REPS1: variants seen among roughly 807,000 people sequenced by gnomAD.
The protein encoded by REPS1 is ralBP1-associated Eps domain-containing protein 1.
Under a neutral mutation model 100.9 loss-of-function variants are expected in REPS1, and 39 were observed. The ratio of observed to expected loss-of-function variants is 0.39; its 90% CI spans 0.30 to 0.50. The LOEUF is 0.50. REPS1 is among the 20% of genes least tolerant of loss of function. REPS1 has a pLI of 0.86. For synonymous variants in REPS1, 324 were observed against 340.3 expected (o/e 0.95, Z 0.53); for missense variants, 821 against 968.5 (o/e 0.85, Z 2.02).
chr6:138,959,184 T>C (rs1442864562), intron 1 of REPS1, among the ~76,000 whole-genome samples: 4 of 152,172 alleles, frequency 2.6e-5, no homozygotes, highest in Admixed American at 2.0e-4. Context: ...TAGCACATAG[T>C]GACAGCAAAG....
At chr6:138,951,585 A>T (rs1450215307) in intron 1 of REPS1, among the ~76,000 whole-genome samples, 2 of 152,122 alleles carry the variant, frequency 1.3e-5, no homozygotes, top group African/African-American at 4.8e-5. Context: ...AGTTGGTGTT[A>T]TATTGGCTTT....
chr6:138,953,135 TTA>T (rs1783151692), intron 1 of REPS1, among the ~76,000 whole-genome samples: 1 of 152,040 alleles, frequency 6.6e-6, no homozygotes, highest in African/African-American at 2.4e-5. Flanking sequence ...TTGCGCCAAA[TTA>T]TATATTTTAT....
At chr6:138,965,880 CAAT>C (rs1783989373) in intron 1 of REPS1, among the ~76,000 whole-genome samples, 1 of 152,134 alleles carries the variant, frequency 6.6e-6, no homozygotes, top group South Asian at 2.1e-4. Flanking sequence ...TCCAGAACCA[CAAT>C]GACTCCTAAT....
At position 138,908,744 on chromosome 6, in the gene REPS1, T is replaced by G; in HGVS notation, c.2140A>C (p.Arg714=). The part of the protein sequence containing the change: ...RRRLKSEDEL[R]PEVDEHTQKT... ...TGTGTATGTTCATCAACTTCTGGCC[T>G]TAATTCATCTTCTGATTTTAATCTT... is the stretch of plus-strand genomic sequence containing the variant. The change falls in exon 18 of 20, where the codon AGG becomes CGG. Residue 714 remains arginine, a synonymous_variant. Transcript: ENST00000450536. 1 of 1,614,208 alleles carries G rather than the reference T, an allele frequency of 6.2e-7. No individual in the cohort carries two copies. Among genetic ancestry groups the G allele is most frequent in the South Asian group, 1.1e-5 (1 of 91,086 alleles).
At position 138,908,763 on chromosome 6, in the gene REPS1, T is replaced by C. The variant is rs775208393; in HGVS notation, c.2121A>G (p.Leu707=). The change falls in exon 18 of 20, where the codon TTA becomes TTG. Residue 707 remains leucine, a synonymous_variant. Coordinates refer to ENST00000450536, the MANE Select transcript of REPS1 (RefSeq NM_001286611.2). ...APPPKPVRRR[L]KSEDELRPEV... ...CTGGCCTTAATTCATCTTCTGATTT[T>C]AATCTTCTTCGAACAGGTTTAGGTG... 1 of 1,614,234 alleles carries C rather than the reference T, an allele frequency of 6.2e-7. No individual in the cohort carries two copies. Among genetic ancestry groups the C allele is most frequent in the South Asian group, 1.1e-5 (1 of 91,086 alleles).
chr6:138,943,360 T>C (rs1428477627), intron 7 of REPS1, among the ~76,000 whole-genome samples, 153 bp downstream of exon 7: 1 of 152,232 alleles, frequency 6.6e-6, no homozygotes, highest in African/African-American at 2.4e-5. Context: ...TTCTGCAGAA[T>C]AAGAGAGAAG....
chr6:138,973,836 C>T (rs142377043), intron 1 of REPS1, among the ~76,000 whole-genome samples: 76 of 152,124 alleles, frequency 5.0e-4, no homozygotes, highest in African/African-American at 1.7e-3. Flanking sequence ...TTATTACTAT[C>T]ATTTGAATTG....
intron 13 of REPS1, 32 bp from the exon 14 acceptor site, chr6:138,916,008 AC>A (rs762428502): frequency 7.5e-6 from 11 of 1,457,892 alleles, no homozygotes; most frequent in Middle Eastern, 1.7e-4. Flanking sequence ...AATTGGTCAT[AC>A]TACTGATATC....
At chr6:138,979,929 G>A (rs921447052) in intron 1 of REPS1, among the ~76,000 whole-genome samples, 5 of 152,064 alleles carry the variant, frequency 3.3e-5, no homozygotes, top group African/African-American at 1.2e-4. Context: ...AATTCCTCAA[G>A]ATGTATAGAT....
chr6:138,983,105 C>T (rs1785046033), intron 1 of REPS1, among the ~76,000 whole-genome samples: 1 of 152,090 alleles, frequency 6.6e-6, no homozygotes, highest in Non-Finnish European at 1.5e-5. Context: ...AGAGCTGGGA[C>T]GTGAATAATA....
intron 1 of REPS1, among the ~76,000 whole-genome samples, chr6:138,980,227 T>C (rs1784858286): frequency 6.6e-6 from 1 of 152,222 alleles, no homozygotes; most frequent in Admixed American, 6.5e-5. Context: ...ATCTAAGCCA[T>C]TGCTGTCTGC....
At chr6:138,943,105 G>A (rs1015352026) in intron 7 of REPS1, among the ~76,000 whole-genome samples, 1 of 152,122 alleles carries the variant, frequency 6.6e-6, no homozygotes, top group African/African-American at 2.4e-5. Flanking sequence ...TAGCCAATTC[G>A]AACCATATTC....
intron 1 of REPS1, among the ~76,000 whole-genome samples, chr6:138,975,843 A>G (rs75265692): frequency 6.6e-6 from 1 of 152,254 alleles, no homozygotes; most frequent in East Asian, 1.9e-4. Flanking sequence ...CAAAAAAAAT[A>G]AAAAAACCTT....
chr6:138,947,076 C>CTCTCTCTCTCTCTCTCTCTCTCTCT (rs754994209), intron 2 of REPS1, among the ~76,000 whole-genome samples: 1 of 149,076 alleles, frequency 6.7e-6, no homozygotes, highest in African/African-American at 2.5e-5. Context: ...CTCTCTCTCT[C>CTCTCTCTCTCTCTCTCTCTCTCTCT]CTGTGGCCAC....
chr6:138,947,269 T>G (rs1782697046), intron 2 of REPS1, among the ~76,000 whole-genome samples: 1 of 152,178 alleles, frequency 6.6e-6, no homozygotes, highest in Admixed American at 6.5e-5. Flanking sequence ...CAGATGTCTA[T>G]AACTAGATTT....
chr6:138,947,355 G>A (rs1288217371), intron 2 of REPS1, among the ~76,000 whole-genome samples: 2 of 151,960 alleles, frequency 1.3e-5, no homozygotes, highest in South Asian at 4.1e-4. Context: ...AATTTCAACT[G>A]AAGCCTCCAC....
chr6:138,936,873 A>T (rs932105747), intron 8 of REPS1, among the ~76,000 whole-genome samples: 1 of 152,238 alleles, frequency 6.6e-6, no homozygotes, highest in Non-Finnish European at 1.5e-5. Context: ...ATTAAGGTAC[A>T]TCATATTATG....
intron 10 of REPS1, among the ~76,000 whole-genome samples, chr6:138,925,639 T>G (rs1425306661): frequency 6.7e-6 from 1 of 148,500 alleles, no homozygotes; most frequent in African/African-American, 2.5e-5. Context: ...TGGAAAGTGC[T>G]TATTAGCACA....
Position 138,944,489 on chromosome 6 carries a change from A to C in REPS1, c.753+9T>G. ...CAAATAAAAATGCAATACCAATAAA[A>C]TGTCACACCTGGACAGAAGCAGGAT... is the stretch of plus-strand genomic sequence containing the variant. On this transcript the variant is annotated intron_variant, in intron 5 of 19. Transcript: ENST00000450536. The C allele has an allele frequency of 6.2e-7, 1 of 1,611,510 alleles. No individual in the cohort carries two copies. The highest frequency in any genetic ancestry group is 1.1e-5 in the South Asian group (1 of 90,538).
Sources: allele counts gnomAD v4.1 joint callset (sites outside exome capture counted in the v4.1 genomes callset), GRCh38; gene constraint gnomAD v4.1.1; transcripts MANE v1.5; gene names NCBI Gene and HGNC (gene_info 2026-07-23, HGNC 2026-07-21).